Variants in SCOC observed in about 807,000 individuals in gnomAD.
SCOC encodes the protein short coiled coil protein.
A neutral mutation model predicts 9.9 loss-of-function variants in SCOC; 7 were observed. The ratio of observed to expected loss-of-function variants is 0.71; its 90% CI spans 0.40 to 1.33. SCOC has a LOEUF of 1.33. Ranked by LOEUF, SCOC falls within the 40% of genes most tolerant of loss-of-function variation. The pLI, the probability that SCOC is intolerant of heterozygous loss-of-function variation, is 0.01. For missense variants in SCOC, 66 were observed against 89.7 expected (o/e 0.74, Z 1.07); for synonymous variants, 19 against 28.2 (o/e 0.67, Z 1.03).
intron 1 of SCOC, among the ~76,000 whole-genome samples, chr4:140,315,747 T>A (rs1732298415): frequency 6.6e-6 from 1 of 152,210 alleles, no homozygotes; most frequent in African/African-American, 2.4e-5. Context: ...TTGAACGCTT[T>A]AACCCAGATT....
chr4:140,299,431 AT>A (rs1401932510), intron 1 of SCOC, among the ~76,000 whole-genome samples: 2 of 152,080 alleles, frequency 1.3e-5, no homozygotes, highest in Non-Finnish European at 2.9e-5. Flanking sequence ...TCTTTTTTCA[AT>A]TTTTTTCTTT....
upstream of SCOC, among the ~76,000 whole-genome samples, chr4:140,341,374 C>CTACA (rs1277369771): frequency 7.9e-5 from 12 of 152,294 alleles, no homozygotes; most frequent in Admixed American, 7.2e-4. Flanking sequence ...AGCACAGACC[C>CTACA]TACAGCCAGA....
chr4:140,264,581 G>T (rs1363616320), intron 1 of SCOC, among the ~76,000 whole-genome samples: 1 of 152,122 alleles, frequency 6.6e-6, no homozygotes, highest in Non-Finnish European at 1.5e-5. Flanking sequence ...TTGGACATTG[G>T]CAGGGACTTC....
At chr4:140,379,450 A>C in intron 2 of SCOC, 119 bp from the exon 3 acceptor site, 9 of 779,548 alleles carry the variant, frequency 1.2e-5, no homozygotes, top group Non-Finnish European at 1.9e-5. Flanking sequence ...TTTATTTCAC[A>C]GGGCTCTTGT....
rs1728607196 is a variant in SCOC at position 140,382,514 on chromosome 4, C to T, written c.*1410C>T. ...ATTTACAGACATTTAAATTGTGTTG[C>T]AGTTCTGCTTTGCCGTTTAATAAAA... On this transcript the variant is annotated 3_prime_UTR_variant, in exon 4 of 4. Transcript: ENST00000608372. The T allele has an allele frequency of 1.3e-5, 2 of 152,556 alleles. No homozygotes were observed. Among genetic ancestry groups the T allele is most frequent in the South Asian group, 2.1e-4 (1 of 4,828 alleles). The allele number at this position is 152,556 out of a possible 1,614,324, so 9.5% of individuals were successfully genotyped here.
intron 1 of SCOC, among the ~76,000 whole-genome samples, chr4:140,311,952 G>T (rs932033152): frequency 6.6e-6 from 1 of 152,176 alleles, no homozygotes; most frequent in African/African-American, 2.4e-5. Context: ...GTGTCAATGG[G>T]AAAGTATGCC....
At chr4:140,366,772 A>C in intron 2 of SCOC, 1 of 1,435,252 alleles carries the variant, frequency 7.0e-7, no homozygotes, top group Non-Finnish European at 9.8e-7. Flanking sequence ...TTGATCAATA[A>C]CATCTACAGT....
At position 140,373,688 on chromosome 4, in the gene SCOC, C is replaced by T. The variant is rs747098486; in HGVS notation, c.-80C>T. ...TCCCGGCCTGAGGTGTCGGCCGGAT[C>T]CCTCCTTCTCCCGGCGCCTCAAGCG... is the stretch of plus-strand genomic sequence containing the variant. On this transcript the variant is annotated 5_prime_UTR_variant, in exon 1 of 4. Coordinates refer to ENST00000608372, the MANE Select transcript of SCOC (RefSeq NM_001153484.2). The T allele has an allele frequency of 2.4e-5, 37 of 1,549,826 alleles. No individual in the cohort carries two copies. Among genetic ancestry groups the T allele is most frequent in the African/African-American group, 6.8e-5 (5 of 73,016 alleles).
intron 2 of SCOC, among the ~76,000 whole-genome samples, chr4:140,359,936 T>C (rs1250514523): frequency 1.3e-5 from 2 of 152,224 alleles, no homozygotes; most frequent in East Asian, 3.8e-4. Flanking sequence ...TGGGTTCTAC[T>C]ACCAGGCAGG....
At chr4:140,336,264 A>C (rs1732955827) in intron 1 of SCOC, among the ~76,000 whole-genome samples, 3 of 152,152 alleles carry the variant, frequency 2.0e-5, no homozygotes, top group African/African-American at 7.2e-5. Context: ...TAAAGTACAC[A>C]ATTCAGTGGC....
chr4:140,344,607 C>T (rs1726641396), intron 2 of SCOC, among the ~76,000 whole-genome samples: 1 of 152,178 alleles, frequency 6.6e-6, no homozygotes, highest in Non-Finnish European at 1.5e-5. Context: ...ACTGCATAAA[C>T]ATGCTGGGGT....
intron 1 of SCOC, among the ~76,000 whole-genome samples, chr4:140,308,706 G>A (rs1290631782): frequency 6.6e-6 from 1 of 152,200 alleles, no homozygotes; most frequent in Non-Finnish European, 1.5e-5. Context: ...TATTTATCCA[G>A]TTGCTGTTTC....
intron 1 of SCOC, among the ~76,000 whole-genome samples, chr4:140,318,414 G>A (rs1274007056): frequency 2.0e-4 from 22 of 107,988 alleles, no homozygotes; most frequent in Non-Finnish European, 3.5e-4. Context: ...CAAAAAGTGG[G>A]CGAGGGACAT....
chr4:140,267,536 C>G (rs543469336), intron 1 of SCOC, among the ~76,000 whole-genome samples: 1 of 152,070 alleles, frequency 6.6e-6, no homozygotes, highest in African/African-American at 2.4e-5. Context: ...TTTCTAAGAT[C>G]GGAGGATGAT....
intron 1 of SCOC, among the ~76,000 whole-genome samples, chr4:140,326,176 G>A (rs1422717052): frequency 1.3e-5 from 2 of 152,154 alleles, no homozygotes; most frequent in East Asian, 1.9e-4. Context: ...GCAGGGTTGA[G>A]GGAAACGGGA....
At chr4:140,297,250 G>A (rs1281346780) in intron 1 of SCOC, among the ~76,000 whole-genome samples, 2 of 131,334 alleles carry the variant, frequency 1.5e-5, no homozygotes, top group Non-Finnish European at 3.2e-5. Flanking sequence ...TGCCGGAGAG[G>A]AGAGCATTCT....
intron 2 of SCOC, among the ~76,000 whole-genome samples, chr4:140,355,764 T>G (rs969147573): frequency 6.6e-6 from 1 of 152,202 alleles, no homozygotes; most frequent in East Asian, 1.9e-4. Flanking sequence ...AAATTGTATC[T>G]ATGTTGCGAT....
At chr4:140,372,682 T>C (rs1293682414), upstream of SCOC, among the ~76,000 whole-genome samples, 1 of 152,228 alleles carries the variant, frequency 6.6e-6, no homozygotes, top group African/African-American at 2.4e-5. Flanking sequence ...TAAGGCGATG[T>C]GTCAGCAAAC....
upstream of SCOC, chr4:140,369,482 A>C: frequency 3.8e-6 from 1 of 260,542 alleles, no homozygotes; most frequent in Non-Finnish European, 7.9e-6. Context: ...AGTTATCAAA[A>C]ATGCTTCCAT....
Sources: allele counts gnomAD v4.1 joint callset (sites outside exome capture counted in the v4.1 genomes callset), GRCh38; gene constraint gnomAD v4.1.1; transcripts MANE v1.5; gene names NCBI Gene and HGNC (gene_info 2026-07-23, HGNC 2026-07-21).